STARD13: variants seen among roughly 807,000 people sequenced by gnomAD.
STARD13 encodes stAR-related lipid transfer protein 13.
STARD13 carries 62 observed loss-of-function variants against 106.4 expected under a neutral mutation model. The ratio of observed to expected loss-of-function variants is 0.58; its 90% confidence interval spans 0.48 to 0.72. The LOEUF (loss-of-function observed/expected upper bound fraction) is 0.72, where lower values mean the gene tolerates loss of function less well. Ranked by LOEUF, STARD13 falls within the 30% of genes least tolerant of loss-of-function variation. STARD13 has a pLI of 0.00. For missense variants in STARD13, 1,387 were observed against 1,424.0 expected, an observed-to-expected ratio of 0.97 and a Z score of 0.42; for synonymous variants, 565 against 553.0, an observed-to-expected ratio of 1.02 and a Z score of -0.31.
intron 1 of STARD13, among the ~76,000 whole-genome samples, chr13:33,238,847 T>G (rs1380019255): frequency 6.6e-6 from 1 of 152,058 alleles, no homozygotes; most frequent in Non-Finnish European, 1.5e-5. Context: ...TTTATTGTGG[T>G]AAAAAAACAC....
At chr13:33,675,724 G>A in the STARD13 span, among the ~76,000 whole-genome samples, 3 of 152,178 alleles carry the variant, frequency 2.0e-5, no homozygotes, top group African/African-American at 7.2e-5. Context: ...GTAGGAACAT[G>A]TGGACAAAGA....
In STARD13 at chr13:33,222,047, G is replaced by C. The variant is rs375337166; in HGVS notation, c.170-54425C>G. Among the ~76,000 whole-genome samples the C allele has an allele frequency of 9.9e-5, 15 of 152,214 alleles. No homozygotes were observed. The East Asian group carries it at 1.9e-3, about 20-fold the overall frequency. ...ACCTGCAGTCCTAGCTACTCAGGAG[G>C]CTGAGACAGGAGAACTGCTTGAACC... On this transcript the variant is annotated intron_variant, in intron 1 of 13. Transcript: ENST00000336934.
chr13:33,286,324 C>T (rs1892057511), upstream of STARD13, among the ~76,000 whole-genome samples: 1 of 152,144 alleles, frequency 6.6e-6, no homozygotes, highest in African/African-American at 2.4e-5. Flanking sequence ...CTGACCCTCA[C>T]GTGATGGGAA....
At chr13:33,571,748 C>T in the STARD13 span, among the ~76,000 whole-genome samples, 5 of 152,252 alleles carry the variant, frequency 3.3e-5, no homozygotes, top group East Asian at 7.7e-4. Flanking sequence ...TGCTTTGTAC[C>T]AGATGCCTGT....
chr13:33,647,659 G>A, the STARD13 span, among the ~76,000 whole-genome samples: 1 of 152,204 alleles, frequency 6.6e-6, no homozygotes, highest in Non-Finnish European at 1.5e-5. Context: ...TATCTAGGTT[G>A]TTGAATCCCT....
the STARD13 span, among the ~76,000 whole-genome samples, chr13:33,556,882 T>G: frequency 6.6e-6 from 1 of 152,146 alleles, no homozygotes. Context: ...GCCTCCCAAG[T>G]AGCTGGGACC....
At chr13:33,166,456 A>G (rs888744076) in intron 2 of STARD13, among the ~76,000 whole-genome samples, 1 of 152,014 alleles carries the variant, frequency 6.6e-6, no homozygotes, top group African/African-American at 2.4e-5. Flanking sequence ...CAGCTGTGCC[A>G]CTACAAGCCC....
the STARD13 span, among the ~76,000 whole-genome samples, chr13:33,609,105 A>AAAAAAAAAAAAAAAAAAAAAAAAAAAG: frequency 7.5e-6 from 1 of 133,192 alleles, no homozygotes; most frequent in Admixed American, 7.2e-5. Context: ...AAAAAAAAAA[A>AAAAAAAAAAAAAAAAAAAAAAAAAAAG]AAATATTGAT....
At chr13:33,368,396 C>A in the STARD13 span, among the ~76,000 whole-genome samples, 2 of 152,160 alleles carry the variant, frequency 1.3e-5, no homozygotes, top group African/African-American at 2.4e-5. Context: ...CTGTGTTGGG[C>A]ACATAGTATA....
intron 1 of STARD13, among the ~76,000 whole-genome samples, chr13:33,326,928 G>A (rs867590879): frequency 3.3e-5 from 5 of 152,188 alleles, no homozygotes; most frequent in African/African-American, 1.2e-4. Flanking sequence ...CCTGAGCCAC[G>A]TGACTTTGTT....
intron 1 of STARD13, among the ~76,000 whole-genome samples, chr13:33,339,684 C>T (rs940899387): frequency 6.6e-6 from 1 of 152,196 alleles, no homozygotes; most frequent in African/African-American, 2.4e-5. Flanking sequence ...ATAAAACCTT[C>T]TATAAGATAA....
At chr13:33,230,458 A>G (rs543351115) in intron 1 of STARD13, among the ~76,000 whole-genome samples, 12 of 152,346 alleles carry the variant, frequency 7.9e-5, no homozygotes, top group Admixed American at 7.2e-4. Context: ...TACTTTGCCC[A>G]GCCCTTTATT....
At chr13:33,324,245 T>C (rs1893660910) in intron 1 of STARD13, among the ~76,000 whole-genome samples, 1 of 152,200 alleles carries the variant, frequency 6.6e-6, no homozygotes, top group Non-Finnish European at 1.5e-5. Flanking sequence ...TACTTGAGAA[T>C]ATTCGAAAAC....
chr13:33,413,061 A>G, the STARD13 span, among the ~76,000 whole-genome samples: 1 of 152,198 alleles, frequency 6.6e-6, no homozygotes, highest in Non-Finnish European at 1.5e-5. Context: ...AAATAAAACA[A>G]AATGTTTTCT....
chr13:33,109,662 G>A (rs891684278), intron 12 of STARD13, among the ~76,000 whole-genome samples: 3 of 152,224 alleles, frequency 2.0e-5, no homozygotes, highest in African/African-American at 7.2e-5. Flanking sequence ...GGCAATCAGA[G>A]AGCCCAGGCA....
At chr13:33,388,460 G>A in the STARD13 span, among the ~76,000 whole-genome samples, 2 of 152,212 alleles carry the variant, frequency 1.3e-5, no homozygotes, top group East Asian at 3.8e-4. Flanking sequence ...CCCTGCAGAG[G>A]CAGCTCTGTG....
chr13:33,285,919 C>A (rs946511176), upstream of STARD13, among the ~76,000 whole-genome samples: 7 of 151,994 alleles, frequency 4.6e-5, no homozygotes, highest in African/African-American at 1.7e-4. Flanking sequence ...CCTCACACAA[C>A]GCTGAAAGCA....
intron 1 of STARD13, among the ~76,000 whole-genome samples, chr13:33,200,905 G>A (rs1269914264): frequency 2.0e-4 from 31 of 151,740 alleles, no homozygotes; most frequent in Admixed American, 3.3e-4. Context: ...AGGCGCCTGT[G>A]GTCCCAGCTA....
the STARD13 span, among the ~76,000 whole-genome samples, chr13:33,525,668 GA>G: frequency 6.6e-6 from 1 of 152,210 alleles, no homozygotes; most frequent in South Asian, 2.1e-4. Flanking sequence ...AAGTTATCTA[GA>G]AGCCTCTACT....
Sources: gnomAD v4.1 joint callset for allele counts (sites outside exome capture counted in the v4.1 genomes callset) on GRCh38, gnomAD v4.1.1 for gene constraint, MANE v1.5 for transcripts, NCBI Gene and HGNC (gene_info 2026-07-23, HGNC 2026-07-21) for gene names.